C1QTNF3: variants seen among roughly 807,000 people sequenced by gnomAD.
C1QTNF3 encodes complement C1q tumor necrosis factor-related protein 3.
Under a neutral mutation model 32.6 loss-of-function variants are expected in C1QTNF3, and 26 were observed. The observed-to-expected ratio is 0.80, with a 90% CI of 0.58 to 1.11. C1QTNF3 has a LOEUF of 1.11. Among genes scored for constraint, C1QTNF3 ranks in the 50% least tolerant of loss-of-function variants. The probability of loss-of-function intolerance (pLI) is 0.00; values close to 1 mark genes in which losing one functional copy is unlikely to be tolerated. For synonymous variants in C1QTNF3, 155 were observed against 146.0 expected (o/e 1.06, Z -0.44); for missense variants, 362 against 398.2 (o/e 0.91, Z 0.77).
the C1QTNF3 span, among the ~76,000 whole-genome samples, chr5:34,197,953 C>T: frequency 1.3e-5 from 2 of 151,040 alleles, no homozygotes; most frequent in Non-Finnish European, 2.9e-5. Flanking sequence ...CACTAATCCC[C>T]GGCTGGGCAC....
the C1QTNF3 span, among the ~76,000 whole-genome samples, chr5:34,235,277 T>C: frequency 6.6e-6 from 1 of 152,164 alleles, no homozygotes; most frequent in African/African-American, 2.4e-5. Context: ...TACTAGACTT[T>C]TTGTTCACAA....
the C1QTNF3 span, among the ~76,000 whole-genome samples, chr5:34,159,205 C>A: frequency 6.6e-6 from 1 of 151,900 alleles, no homozygotes; most frequent in Non-Finnish European, 1.5e-5. Context: ...ATTTGAAATT[C>A]ATAAACCTAT....
the C1QTNF3 span, among the ~76,000 whole-genome samples, chr5:34,132,316 C>T: frequency 6.6e-6 from 1 of 151,802 alleles, no homozygotes; most frequent in African/African-American, 2.4e-5. Context: ...ACCCAGGAGG[C>T]GGAGGTTACG....
At chr5:34,081,272 G>A in the C1QTNF3 span, among the ~76,000 whole-genome samples, 27 of 151,680 alleles carry the variant, frequency 1.8e-4, no homozygotes, top group South Asian at 4.2e-3. Context: ...AAAACTTACC[G>A]TATACCCAGG....
chr5:34,115,891 C>G, the C1QTNF3 span, among the ~76,000 whole-genome samples: 3 of 152,096 alleles, frequency 2.0e-5, no homozygotes, highest in African/African-American at 7.2e-5. Flanking sequence ...AAACTCTCTG[C>G]AGTAAATCTT....
At chr5:34,169,092 ACT>A in the C1QTNF3 span, 2 of 151,930 alleles carry the variant, frequency 1.3e-5, no homozygotes, top group Non-Finnish European at 2.9e-5. Context: ...GCAACAAAGT[ACT>A]CTCTTAGACG....
At chr5:34,122,433 G>A in the C1QTNF3 span, among the ~76,000 whole-genome samples, 1 of 152,196 alleles carries the variant, frequency 6.6e-6, no homozygotes, top group Non-Finnish European at 1.5e-5. Flanking sequence ...CTTAATAAAG[G>A]AGTAAAGAAT....
At chr5:34,028,108 G>T (rs1187788688) in intron 4 of C1QTNF3, among the ~76,000 whole-genome samples, 1 of 152,234 alleles carries the variant, frequency 6.6e-6, no homozygotes, top group Middle Eastern at 3.4e-3. Context: ...GAGTAGCTGG[G>T]ACTACAGGCG....
At chr5:34,171,374 A>G in the C1QTNF3 span, among the ~76,000 whole-genome samples, 1 of 151,178 alleles carries the variant, frequency 6.6e-6, no homozygotes, top group Non-Finnish European at 1.5e-5. Context: ...ACATAAATAT[A>G]TTATATACTA....
At chr5:34,213,780 TATATAC>T in the C1QTNF3 span, among the ~76,000 whole-genome samples, 69 of 11,660 alleles carry the variant, frequency 5.9e-3, 1 homozygote, top group Admixed American at 0.015. Context: ...CATACGTGTA[TATATAC>T]ATATATATAT....
chr5:34,142,703 A>G, the C1QTNF3 span, among the ~76,000 whole-genome samples: 4 of 152,230 alleles, frequency 2.6e-5, no homozygotes, highest in East Asian at 7.7e-4. Flanking sequence ...CCGTGAAACC[A>G]AGAGCAAGAA....
At position 34,020,588 on chromosome 5, in the gene C1QTNF3, T is replaced by C; in HGVS notation, c.955A>G (p.Lys319Glu). 1.2e-6 allele frequency: 2 copies of C among 1,614,044 alleles called. No homozygotes were observed. Among genetic ancestry groups the C allele is most frequent in the Non-Finnish European group, 1.7e-6 (2 of 1,179,924 alleles). ...GAGCTATTCTAGTCATATATTTACT[T>C]AGTTTCAAAGAGCAGGAATCCTGCA... ...TFAGFLLFET[K>E] The change falls in exon 6 of 6, where the codon AAG becomes GAG. Residue 319 changes from lysine (K) to glutamate (E), a missense_variant. Physicochemically the swap from Lys to Glu is moderately conservative, Grantham distance 56 (BLOSUM62 1). Coordinates refer to ENST00000382065, the MANE Select transcript of C1QTNF3 (RefSeq NM_181435.6).
intron 4 of C1QTNF3, among the ~76,000 whole-genome samples, chr5:34,026,434 G>A (rs1191495837): frequency 4.1e-5 from 6 of 147,028 alleles, no homozygotes; most frequent in African/African-American, 1.5e-4. Flanking sequence ...GACCTGCAGT[G>A]GCCAATCTCA....
chr5:34,218,532 T>A, the C1QTNF3 span: 1 of 152,382 alleles, frequency 6.6e-6, no homozygotes, highest in Non-Finnish European at 1.5e-5. Context: ...TGAAATTGGT[T>A]AGCTTTCTAA....
At chr5:34,155,663 A>C in the C1QTNF3 span, among the ~76,000 whole-genome samples, 2 of 152,194 alleles carry the variant, frequency 1.3e-5, no homozygotes, top group East Asian at 3.8e-4. Context: ...GAGATTTTGA[A>C]TTGTTCTTAG....
chr5:34,224,274 C>G, the C1QTNF3 span, among the ~76,000 whole-genome samples: 2 of 152,194 alleles, frequency 1.3e-5, no homozygotes, highest in Non-Finnish European at 2.9e-5. Flanking sequence ...CTACCAATGA[C>G]TTTCTTCACA....
the C1QTNF3 span, among the ~76,000 whole-genome samples, chr5:34,099,282 T>A: frequency 6.6e-6 from 1 of 152,198 alleles, no homozygotes; most frequent in Admixed American, 6.6e-5. Context: ...TATACTTTAA[T>A]GTTCTTTAAT....
chr5:34,158,684 T>C, the C1QTNF3 span: 17 of 152,280 alleles, frequency 1.1e-4, no homozygotes, highest in African/African-American at 3.1e-4. Flanking sequence ...TGGAAATTCA[T>C]AGAATGCAGA....
chr5:34,209,720 C>T, the C1QTNF3 span, among the ~76,000 whole-genome samples: 13 of 151,982 alleles, frequency 8.6e-5, no homozygotes, highest in Admixed American at 5.9e-4. Context: ...GAGTCTCTTC[C>T]GGATCATATA....
Sources: allele counts gnomAD v4.1 joint callset (sites outside exome capture counted in the v4.1 genomes callset), GRCh38; gene constraint gnomAD v4.1.1; transcripts MANE v1.5; gene names NCBI Gene and HGNC (gene_info 2026-07-23, HGNC 2026-07-21).